Variants in FAM178B observed in about 807,000 individuals in gnomAD.
FAM178B encodes the protein protein FAM178B.
Under a neutral mutation model 91.7 loss-of-function variants are expected in FAM178B, and 82 were observed. The ratio of observed to expected loss-of-function variants is 0.89; its 90% confidence interval spans 0.75 to 1.07. The LOEUF is 1.07. Ranked by LOEUF, FAM178B falls within the 50% of genes least tolerant of loss-of-function variation. The pLI is 0.00. For missense variants in FAM178B, 769 were observed against 846.7 expected (o/e 0.91, Z 1.14); for synonymous variants, 368 against 359.4 (o/e 1.02, Z -0.27).
Position 96,900,378 on chromosome 2 carries a change from C to T in FAM178B, c.1650+2242G>A, listed in dbSNP as rs78514473. Reference sequence around the variant, plus strand: ...GGCACGTTCTCCCCATGCACCCCGACGACCCACCTGGGTGCCTGTCCCTTC... The same window carrying T: ...GGCACGTTCTCCCCATGCACCCCGATGACCCACCTGGGTGCCTGTCCCTTC... On this transcript the variant is annotated intron_variant, in intron 13 of 16. Coordinates refer to ENST00000490605, the MANE Select transcript of FAM178B (RefSeq NM_001122646.3). 3.7e-3 allele frequency among the ~76,000 whole-genome samples: 558 copies of T among 152,182 alleles called. 13 individuals carry two copies. In the East Asian group the frequency reaches 0.046, roughly 13 times the overall value.
chr2:96,924,170 TTA>T (rs2081395245), intron 9 of FAM178B, among the ~76,000 whole-genome samples: 1 of 152,166 alleles, frequency 6.6e-6, no homozygotes, highest in African/African-American at 2.4e-5. Context: ...GCCTCGAGCT[TTA>T]GTTTTCCAGG....
rs1467022324 is a variant in FAM178B, at chr2:96,972,415, G to A, written c.143-93C>T. The A allele has an allele frequency of 2.0e-6, 3 of 1,479,062 alleles. No individual in the cohort carries two copies. The African/African-American group carries it at 4.2e-5, about 21-fold the overall frequency. The allele number at this position is 1,479,062 out of a possible 1,614,324, so 91.6% of individuals were successfully genotyped here. ...TGGGTAAGGAGAGCAGCAAATGGGT[G>A]AGAGAACAACTTGGGGTTGCTGTGG... is the stretch of plus-strand genomic sequence containing the variant. On this transcript the variant is annotated intron_variant, in intron 2 of 16. Transcript: ENST00000490605.
chr2:96,880,249 T>C (rs1022465397), intron 14 of FAM178B, among the ~76,000 whole-genome samples: 1 of 151,984 alleles, frequency 6.6e-6, no homozygotes, highest in Non-Finnish European at 1.5e-5. Context: ...GAGGCAAAGA[T>C]GGCCCTGTGC....
intron 12 of FAM178B, 121 bp downstream of exon 12, chr2:96,921,044 C>T (rs1161868025): frequency 1.3e-6 from 1 of 754,730 alleles, no homozygotes; most frequent in East Asian, 2.7e-5. Flanking sequence ...GTTCTCCCTC[C>T]TGGGGATTAG....
intron 12 of FAM178B, among the ~76,000 whole-genome samples, chr2:96,911,195 C>T (rs931543209): frequency 7.2e-5 from 11 of 152,120 alleles, no homozygotes; most frequent in South Asian, 2.1e-4. Context: ...TCAGGGAGTA[C>T]GGCCACAGCA....
chr2:96,922,385 T>C (rs1282372869), intron 10 of FAM178B, among the ~76,000 whole-genome samples: 1 of 152,248 alleles, frequency 6.6e-6, no homozygotes, highest in African/African-American at 2.4e-5. Context: ...AGTCTTGCTC[T>C]GTCACCCAGG....
chr2:96,886,498 G>A (rs979551269), intron 14 of FAM178B, among the ~76,000 whole-genome samples: 1 of 152,218 alleles, frequency 6.6e-6, no homozygotes, highest in Non-Finnish European at 1.5e-5. Context: ...GAGGAGGGGA[G>A]AGCCTGCCTG....
intron 13 of FAM178B, among the ~76,000 whole-genome samples, chr2:96,896,865 T>C (rs554793592): frequency 3.9e-5 from 6 of 152,320 alleles, no homozygotes; most frequent in Admixed American, 3.3e-4. Context: ...AGTTCCCATC[T>C]GTCTGCCTAT....
intron 12 of FAM178B, among the ~76,000 whole-genome samples, chr2:96,913,462 A>T (rs1372243072): frequency 6.6e-6 from 1 of 152,118 alleles, no homozygotes; most frequent in African/African-American, 2.4e-5. Context: ...GGCAGTGGTA[A>T]GGGGAGAAGG....
At chr2:96,951,019 G>GGACC (rs1356216860) in intron 7 of FAM178B, among the ~76,000 whole-genome samples, 2 of 152,136 alleles carry the variant, frequency 1.3e-5, no homozygotes, top group Non-Finnish European at 2.9e-5. Flanking sequence ...TGAGGGGCTT[G>GGACC]GACCGATTCA....
intron 8 of FAM178B, among the ~76,000 whole-genome samples, chr2:96,937,485 G>A (rs930324234): frequency 2.6e-5 from 4 of 152,100 alleles, no homozygotes; most frequent in African/African-American, 4.8e-5. Context: ...CTCCCCTCTC[G>A]CCGCACCTGA....
intron 4 of FAM178B, among the ~76,000 whole-genome samples, chr2:96,969,206 T>C (rs1359376261): frequency 6.6e-6 from 1 of 152,220 alleles, no homozygotes; most frequent in African/African-American, 2.4e-5. Flanking sequence ...CACAGCGTCC[T>C]ATGGACTAAA....
chr2:96,977,617 G>A (rs867901041), intron 1 of FAM178B, among the ~76,000 whole-genome samples: 2 of 152,006 alleles, frequency 1.3e-5, no homozygotes, highest in African/African-American at 4.8e-5. Flanking sequence ...CATAGGGATG[G>A]TAAGAATAAA....
chr2:96,888,228 C>A (rs1291501471), intron 14 of FAM178B, among the ~76,000 whole-genome samples: 3 of 152,206 alleles, frequency 2.0e-5, no homozygotes, highest in African/African-American at 7.2e-5. Context: ...ACAGAACCAA[C>A]CACAGATTAG....
intron 12 of FAM178B, among the ~76,000 whole-genome samples, chr2:96,917,323 G>A (rs1212670425): frequency 1.3e-5 from 2 of 152,174 alleles, no homozygotes; most frequent in Non-Finnish European, 2.9e-5. Flanking sequence ...AAAGCTCTTG[G>A]CACAAAGCAT....
rs199747889 is a variant in FAM178B at position 96,884,951 on chromosome 2, C to A, written c.1777-6458G>T. Reference sequence around the variant, plus strand: ...GACCACTAGGAAATGAGGCGGGTGACCTAAGACCTCTTCCTAACCTAGGGT... The same window carrying A: ...GACCACTAGGAAATGAGGCGGGTGAACTAAGACCTCTTCCTAACCTAGGGT... On this transcript the variant is annotated intron_variant, in intron 14 of 16. Coordinates refer to ENST00000490605, the MANE Select transcript of FAM178B (RefSeq NM_001122646.3). Among the ~76,000 whole-genome samples the A allele has an allele frequency of 7.9e-5, 12 of 152,322 alleles. No individual in the cohort carries two copies. In the East Asian group the frequency reaches 2.3e-3, roughly 29 times the overall value.
chr2:96,913,963 C>A (rs1311198136), intron 12 of FAM178B, among the ~76,000 whole-genome samples: 1 of 152,216 alleles, frequency 6.6e-6, no homozygotes, highest in Admixed American at 6.5e-5. Context: ...GAAGCCCACA[C>A]CCCCCGCAAA....
At chr2:96,941,806 C>T (rs1007907766) in intron 8 of FAM178B, among the ~76,000 whole-genome samples, 6 of 152,214 alleles carry the variant, frequency 3.9e-5, no homozygotes, top group East Asian at 1.9e-4. Flanking sequence ...CTTTCTAAAG[C>T]GTTTTGATCT....
chr2:96,884,812 G>C (rs1288466327), intron 14 of FAM178B, among the ~76,000 whole-genome samples: 1 of 152,246 alleles, frequency 6.6e-6, no homozygotes, highest in Non-Finnish European at 1.5e-5. Flanking sequence ...GAAGGAAGCA[G>C]AGGGCGGTAT....
Sources: allele counts gnomAD v4.1 joint callset (sites outside exome capture counted in the v4.1 genomes callset), GRCh38; gene constraint gnomAD v4.1.1; transcripts MANE v1.5; gene names NCBI Gene and HGNC (gene_info 2026-07-23, HGNC 2026-07-21).